The following NECAB3 variants were observed in gnomAD, a reference collection of about 807,000 sequenced individuals.
NECAB3 encodes N-terminal EF-hand calcium binding protein 3.
A neutral mutation model predicts 57.2 loss-of-function variants in NECAB3; 38 were observed. That is an observed-to-expected ratio of 0.66 (90% CI 0.51 to 0.87). NECAB3 has a LOEUF of 0.87. Among genes scored for constraint, NECAB3 ranks in the 40% least tolerant of loss-of-function variants. NECAB3 has a pLI of 0.00. For missense variants in NECAB3, 474 were observed against 527.5 expected (o/e 0.90, Z 0.99); for synonymous variants, 223 against 222.6 (o/e 1.00, Z -0.02).
Position 33,657,541 on chromosome 20 carries a change from G to T in NECAB3, c.*288C>A. The T allele has an allele frequency of 5.2e-6, 2 of 383,698 alleles. No individual in the cohort carries two copies. Among genetic ancestry groups the T allele is most frequent in the Admixed American group, 1.2e-4 (2 of 16,894 alleles). The allele number at this position is 383,698 out of a possible 1,614,324, so 23.8% of individuals were successfully genotyped here. ...ACAGGGACGGGACCTGCCCTGGGTC[G>T]CTCAGCCAGGCAGGGACAGCAGGGA... On this transcript the variant is annotated 3_prime_UTR_variant, in exon 12 of 12. Coordinates refer to ENST00000246190, the MANE Select transcript of NECAB3 (RefSeq NM_031232.4).
At chr20:33,671,802 C>T (rs187619045) in intron 2 of NECAB3, among the ~76,000 whole-genome samples, 16 of 152,342 alleles carry the variant, frequency 1.1e-4, no homozygotes, top group Admixed American at 9.8e-4. Flanking sequence ...CTGGACCCAG[C>T]TTTATCCTTG....
At chr20:33,662,613 T>C (rs1307202478) in intron 5 of NECAB3, 1 of 981,738 alleles carries the variant, frequency 1.0e-6, no homozygotes, top group Non-Finnish European at 1.5e-6. Context: ...CGAAAATCTC[T>C]CCCAAGGATG....
At chr20:33,662,269 G>C in intron 5 of NECAB3, 1 of 1,524,972 alleles carries the variant, frequency 6.6e-7, no homozygotes, top group Non-Finnish European at 8.8e-7. Context: ...AGCCCGTGAG[G>C]TCACAATGTT....
At chr20:33,673,264 G>A (rs1167567202) in intron 1 of NECAB3, among the ~76,000 whole-genome samples, 1 of 152,206 alleles carries the variant, frequency 6.6e-6, no homozygotes, top group African/African-American at 2.4e-5. Flanking sequence ...CCAAGCCTGG[G>A]CCGAGAGCCC....
Position 33,659,659 on chromosome 20 carries a change from C to G in NECAB3, c.717G>C (p.Glu239Asp). ...NRLQELIDQL[E>D]CKVRAVGPGP... Reference sequence around the variant, plus strand: ...CTGGCCCCACGGCCCTCACCTTGCACTCGAGCTGGTCGATGAGCTCCTGGA... The same window carrying G: ...CTGGCCCCACGGCCCTCACCTTGCAGTCGAGCTGGTCGATGAGCTCCTGGA... Residue 239 changes from glutamate to aspartate, a missense_variant, in exon 8 of 12, where the codon GAG becomes GAC. By Grantham distance (45) the Glu-to-Asp change is conservative. Transcript: ENST00000246190. The G allele has an allele frequency of 3.1e-6, 5 of 1,611,120 alleles. No individual in the cohort carries two copies. The highest frequency in any genetic ancestry group is 4.2e-6 in the Non-Finnish European group (5 of 1,179,544).
Position 33,674,237 on chromosome 20 carries a change from G to C in NECAB3, c.116C>G (p.Thr39Arg). Residue 39 changes from threonine to arginine, a missense_variant, in exon 1 of 12, where the codon ACG (threonine) becomes AGG (arginine). Transcript: ENST00000246190. ...LAPDPGPAGH[T>R]LFQDVFRRAD... is the part of the protein sequence containing the mutation. ...GCGCCCACTCACGTCCTGGAAGAGC[G>C]TGTGTCCGGCGGGCCCCGGGTCGGG... 1 of 1,245,990 alleles carries C rather than the reference G, an allele frequency of 8.0e-7. No homozygotes were observed. Among genetic ancestry groups the C allele is most frequent in the Non-Finnish European group, 1.0e-6 (1 of 995,320 alleles). 77.2% of individuals were successfully genotyped at this position (1,245,990 alleles called of 1,614,324 possible).
At chr20:33,663,695 T>C in intron 5 of NECAB3, 17 of 1,574,172 alleles carry the variant, frequency 1.1e-5, no homozygotes, top group Non-Finnish European at 1.4e-5. Context: ...CCGGTACTGC[T>C]GCTGCTGCGG....
intron 5 of NECAB3, chr20:33,663,470 C>G (rs1320510330): frequency 1.3e-6 from 2 of 1,524,072 alleles, no homozygotes; most frequent in Non-Finnish European, 1.8e-6. Context: ...CGCGGAGCGG[C>G]CCCGGGTCGT....
At chr20:33,664,967 C>CT (rs2017603781) in intron 5 of NECAB3, 1 of 152,276 alleles carries the variant, frequency 6.6e-6, no homozygotes, top group East Asian at 1.9e-4. Context: ...GCTATAACAT[C>CT]ACTCCTGCTA....
At chr20:33,658,887 A>G (rs1647535217) in intron 8 of NECAB3, 53 bp from the exon 9 acceptor site, 4 of 1,340,830 alleles carry the variant, frequency 3.0e-6, no homozygotes, top group Non-Finnish European at 4.2e-6. Flanking sequence ...CAGGGGAGGG[A>G]CTGGCTGTGG....
At chr20:33,668,516 G>T in intron 5 of NECAB3, 1 of 376,118 alleles carries the variant, frequency 2.7e-6, no homozygotes, top group Non-Finnish European at 4.9e-6. Flanking sequence ...CCCCACTTGT[G>T]TCCATGCCAC....
chr20:33,674,453 C>T, upstream of NECAB3: 1 of 981,158 alleles, frequency 1.0e-6, no homozygotes, highest in Non-Finnish European at 1.2e-6. Flanking sequence ...CCGGCGCCGA[C>T]GCGCGGGCTC....
chr20:33,668,664 A>G (rs1190817088), intron 5 of NECAB3: 1 of 165,440 alleles, frequency 6.0e-6, no homozygotes, highest in Non-Finnish European at 1.3e-5. Flanking sequence ...GTGCCTAGCC[A>G]TGTGCTCAGG....
At chr20:33,670,623 GAC>G (rs1179889330) in intron 3 of NECAB3, 59 bp downstream of exon 3, 21 of 1,226,776 alleles carry the variant, frequency 1.7e-5, no homozygotes, top group Non-Finnish European at 2.5e-5. Context: ...GGCAGCAGGG[GAC>G]ACAGTGGGGT....
chr20:33,664,434 T>C (rs894869701), intron 5 of NECAB3: 5 of 171,952 alleles, frequency 2.9e-5, no homozygotes, highest in South Asian at 1.5e-4. Flanking sequence ...CTCCTACACA[T>C]TGTGCTTGGT....
At position 33,672,194 on chromosome 20, in the gene NECAB3, A is replaced by G; in HGVS notation, c.154+204T>C. The G allele has an allele frequency of 4.7e-6, 3 of 633,754 alleles. No individual in the cohort carries two copies. The South Asian group carries it at 5.7e-5, about 12-fold the overall frequency. The allele number at this position is 633,754 out of a possible 1,614,324, so 39.3% of individuals were successfully genotyped here. On this transcript the variant is annotated intron_variant, in intron 2 of 11. Coordinates refer to ENST00000246190, the MANE Select transcript of NECAB3 (RefSeq NM_031232.4). The stretch of plus-strand genomic sequence containing the variant: ...GCCCCTATCTCCAGTCCGTGGCCAA[A>G]CCACATTCTCTCCACTCTCCATCCT...
chr20:33,674,013 CAGCAGGGGCAGTGACACTGG>C (rs921286886), intron 1 of NECAB3, among the ~76,000 whole-genome samples, 191 bp downstream of exon 1: 1 of 152,138 alleles, frequency 6.6e-6, no homozygotes, highest in Non-Finnish European at 1.5e-5. Context: ...GGGTGGGAGG[CAGCAGGGGCAGTGACACTGG>C]AGCAGGGACA....
chr20:33,663,716 C>T (rs774903996), intron 5 of NECAB3: 1 of 1,525,112 alleles, frequency 6.6e-7, no homozygotes, highest in African/African-American at 1.8e-5. Flanking sequence ...CGGCAAGAGG[C>T]GCGGCGGCCG....
chr20:33,670,730 C>G lies in NECAB3; in HGVS notation c.217G>C (p.Gly73Arg). The G allele has an allele frequency of 6.2e-7, 1 of 1,614,084 alleles. No individual in the cohort carries two copies. The highest frequency in any genetic ancestry group is 8.5e-7 in the Non-Finnish European group (1 of 1,179,964). Residue 73 changes from glycine (G) to arginine (R), a missense_variant, in exon 3 of 12, where the codon GGG (glycine) becomes CGG (arginine). Transcript: ENST00000246190. ...NYFADGVLSLGELQELFSGID... is the reference protein window; with the variant it reads ...NYFADGVLSLRELQELFSGID... ...CCGCTGAACAGTTCCTGCAGCTCCC[C>G]CAGGCTGAGAACCCCATCGGCAAAG...
Sources: allele counts gnomAD v4.1 joint callset (sites outside exome capture counted in the v4.1 genomes callset), GRCh38; gene constraint gnomAD v4.1.1; transcripts MANE v1.5; gene names NCBI Gene and HGNC (gene_info 2026-07-23, HGNC 2026-07-21).